Variants in LRRTM4 observed in about 807,000 individuals in gnomAD.
LRRTM4 encodes the protein leucine-rich repeat transmembrane neuronal protein 4.
LRRTM4 carries 25 observed loss-of-function variants against 47.6 expected under a neutral mutation model. The ratio of observed to expected loss-of-function variants is 0.53; its 90% CI spans 0.38 to 0.73. The LOEUF is 0.73. Ranked by LOEUF, LRRTM4 falls within the 30% of genes least tolerant of loss-of-function variation. LRRTM4 has a pLI of 0.00. For missense variants in LRRTM4, 638 were observed against 713.4 expected (o/e 0.89, Z 1.20); for synonymous variants, 311 against 269.5 (o/e 1.15, Z -1.51).
chr2:76,753,958 G>A (rs1672939433), intron 3 of LRRTM4, among the ~76,000 whole-genome samples: 1 of 152,030 alleles, frequency 6.6e-6, no homozygotes, highest in African/African-American at 2.4e-5. Flanking sequence ...GACTATCATT[G>A]GTCTTATTTG....
chr2:77,457,004 G>GTACATATA (rs1676579464), intron 3 of LRRTM4, among the ~76,000 whole-genome samples: 2 of 23,186 alleles, frequency 8.6e-5, no homozygotes, highest in African/African-American at 4.5e-4. Context: ...GTGTGTGTGT[G>GTACATATA]TATATATATA....
At chr2:77,491,150 A>G (rs972023152) in intron 3 of LRRTM4, among the ~76,000 whole-genome samples, 1 of 152,164 alleles carries the variant, frequency 6.6e-6, no homozygotes, top group Non-Finnish European at 1.5e-5. Context: ...TTTTTAAGAG[A>G]ACAAATTGAA....
intron 3 of LRRTM4, among the ~76,000 whole-genome samples, chr2:77,139,049 G>A (rs1186128582): frequency 1.3e-5 from 2 of 152,124 alleles, no homozygotes; most frequent in African/African-American, 2.4e-5. Flanking sequence ...GAGGTACAAG[G>A]AGGAGCTGGT....
chr2:76,997,135 CT>C (rs992293079), intron 3 of LRRTM4, among the ~76,000 whole-genome samples: 20 of 152,194 alleles, frequency 1.3e-4, no homozygotes, highest in African/African-American at 4.8e-4. Context: ...CTAATTTCCC[CT>C]GTTCTGATTT....
At chr2:76,946,514 G>A (rs76283621) in intron 3 of LRRTM4, among the ~76,000 whole-genome samples, 1 of 151,706 alleles carries the variant, frequency 6.6e-6, no homozygotes, top group African/African-American at 2.4e-5. Flanking sequence ...AATATCAAAG[G>A]TCAGGCTTTT....
At chr2:77,421,571 T>A (rs1036667017) in intron 3 of LRRTM4, among the ~76,000 whole-genome samples, 1 of 151,992 alleles carries the variant, frequency 6.6e-6, no homozygotes, top group Non-Finnish European at 1.5e-5. Flanking sequence ...GCCGGGCGTG[T>A]TGGCGGGTGC....
intron 3 of LRRTM4, among the ~76,000 whole-genome samples, chr2:77,231,381 A>G (rs1674961734): frequency 6.6e-6 from 1 of 152,328 alleles, no homozygotes; most frequent in South Asian, 2.1e-4. Context: ...AAATCACATT[A>G]AGATCTGTTT....
intron 3 of LRRTM4, among the ~76,000 whole-genome samples, chr2:77,077,615 C>T (rs1297459103): frequency 2.0e-5 from 3 of 152,026 alleles, no homozygotes; most frequent in Non-Finnish European, 4.4e-5. Context: ...GATCTGGGAA[C>T]CTACTGAGAT....
At chr2:77,188,465 G>A (rs1043985553) in intron 3 of LRRTM4, among the ~76,000 whole-genome samples, 12 of 151,930 alleles carry the variant, frequency 7.9e-5, no homozygotes, top group East Asian at 7.8e-4. Flanking sequence ...TTTGATCACC[G>A]TTTAAAAAAT....
chr2:76,873,747 G>A lies in LRRTM4; in HGVS notation c.1552-124831C>T, dbSNP rs1171445587. Among the ~76,000 whole-genome samples, 3 of 151,334 alleles carry A rather than the reference G, an allele frequency of 2.0e-5. No homozygotes were observed. In the Admixed American group the frequency reaches 2.0e-4, roughly 10 times the overall value. The stretch of plus-strand genomic sequence containing the variant: ...TGTTAAGCATCAACTTCTACTGCTT[G>A]AAGTCAGAAATTTTAACAGGTGAAG... On this transcript the variant is annotated intron_variant, in intron 3 of 3. Transcript: ENST00000409884.
chr2:77,248,727 C>G (rs1044028846), intron 3 of LRRTM4, among the ~76,000 whole-genome samples: 1 of 151,764 alleles, frequency 6.6e-6, no homozygotes. Context: ...AACAGAAAAC[C>G]CTGAAATAGA....
intron 3 of LRRTM4, among the ~76,000 whole-genome samples, chr2:76,968,379 TATATAC>T (rs1414599951): frequency 2.7e-4 from 32 of 117,906 alleles, no homozygotes; most frequent in African/African-American, 1.0e-3. Flanking sequence ...TATATATATA[TATATAC>T]ACATACATAC....
chr2:77,112,003 G>A (rs1671264194), intron 3 of LRRTM4, among the ~76,000 whole-genome samples: 2 of 152,286 alleles, frequency 1.3e-5, no homozygotes, highest in Non-Finnish European at 2.9e-5. Context: ...GCAAGTGCAA[G>A]GAGGGACTAC....
At chr2:77,492,262 G>A (rs891545247) in intron 3 of LRRTM4, among the ~76,000 whole-genome samples, 13 of 152,216 alleles carry the variant, frequency 8.5e-5, no homozygotes, top group Non-Finnish European at 1.8e-4. Context: ...TATATGTTTT[G>A]TTTTGTTTCT....
chr2:77,508,231 G>C (rs2104096132), intron 3 of LRRTM4, among the ~76,000 whole-genome samples: 2 of 152,252 alleles, frequency 1.3e-5, no homozygotes, highest in East Asian at 1.9e-4. Flanking sequence ...TAAGGTGACT[G>C]TGTATTGGGG....
At chr2:77,405,689 G>A (rs1674155491) in intron 3 of LRRTM4, among the ~76,000 whole-genome samples, 1 of 152,118 alleles carries the variant, frequency 6.6e-6, no homozygotes, top group African/African-American at 2.4e-5. Flanking sequence ...GTTGACGACA[G>A]CTATAATTGA....
chr2:77,006,626 C>T (rs2104046415), intron 3 of LRRTM4, among the ~76,000 whole-genome samples: 1 of 152,194 alleles, frequency 6.6e-6, no homozygotes. Context: ...CTGCAGACAT[C>T]ATCATGATGC....
At chr2:77,315,841 A>G (rs561947274) in intron 3 of LRRTM4, among the ~76,000 whole-genome samples, 6 of 152,328 alleles carry the variant, frequency 3.9e-5, no homozygotes, top group Admixed American at 3.3e-4. Flanking sequence ...CTTAGCTTCT[A>G]TGAGAGGGTA....
At chr2:76,930,416 T>C (rs1674733143) in intron 3 of LRRTM4, among the ~76,000 whole-genome samples, 1 of 152,118 alleles carries the variant, frequency 6.6e-6, no homozygotes, top group Non-Finnish European at 1.5e-5. Flanking sequence ...ATGGGTTTTG[T>C]TCTTATTTTA....
Sources: gnomAD v4.1 joint callset for allele counts (sites outside exome capture counted in the v4.1 genomes callset) on GRCh38, gnomAD v4.1.1 for gene constraint, MANE v1.5 for transcripts, NCBI Gene and HGNC (gene_info 2026-07-23, HGNC 2026-07-21) for gene names.